The following POU6F2 variants were observed in gnomAD, a reference collection of about 807,000 sequenced individuals.
POU6F2 encodes POU class 6 homeobox 2.
A neutral mutation model predicts 71.3 loss-of-function variants in POU6F2; 31 were observed. That is an observed-to-expected ratio of 0.43 (90% CI 0.33 to 0.59). The LOEUF (loss-of-function observed/expected upper bound fraction) is 0.59, where lower values mean the gene tolerates loss of function less well. Among genes scored for constraint, POU6F2 ranks in the 20% least tolerant of loss-of-function variants. The pLI is 0.04. For synonymous variants in POU6F2, 347 were observed against 355.7 expected (o/e 0.98, Z 0.27); for missense variants, 783 against 856.8 (o/e 0.91, Z 1.07).
At chr7:39,149,892 T>TG (rs1792712106) in intron 2 of POU6F2, among the ~76,000 whole-genome samples, 1 of 151,696 alleles carries the variant, frequency 6.6e-6, no homozygotes, top group Non-Finnish European at 1.5e-5. Context: ...TTCCTTTTTT[T>TG]TTTTTTTTCT....
At chr7:39,080,543 GA>G (rs1466288096) in intron 1 of POU6F2, among the ~76,000 whole-genome samples, 2 of 152,020 alleles carry the variant, frequency 1.3e-5, no homozygotes, top group Non-Finnish European at 2.9e-5. Flanking sequence ...TCTTTATAAT[GA>G]ATGCAATTTT....
In POU6F2 at chr7:39,033,690, G is replaced by A. The variant is rs192002647; in HGVS notation, c.106-52170G>A. 1.2e-4 allele frequency among the ~76,000 whole-genome samples: 19 copies of A among 152,272 alleles called. No homozygotes were observed. In the East Asian group the frequency reaches 3.3e-3, roughly 26 times the overall value. Reference sequence around the variant, plus strand: ...CAGCGCAGTTCTCAGGGGACTGCCCGGGAAGTTGACTTTGACGTGCAGTCC... The same window carrying A: ...CAGCGCAGTTCTCAGGGGACTGCCCAGGAAGTTGACTTTGACGTGCAGTCC... On this transcript the variant is annotated intron_variant, in intron 1 of 9. Transcript: ENST00000518318.
intron 5 of POU6F2, among the ~76,000 whole-genome samples, chr7:39,378,352 C>G (rs1408929515): frequency 6.6e-6 from 1 of 152,202 alleles, no homozygotes; most frequent in East Asian, 1.9e-4. Context: ...CCTTCCCATC[C>G]TTCCTTATCC....
chr7:39,359,231 G>A (rs575764763), intron 5 of POU6F2, among the ~76,000 whole-genome samples: 8 of 151,638 alleles, frequency 5.3e-5, no homozygotes, highest in Non-Finnish European at 1.0e-4. Context: ...TAGACAGTAT[G>A]TAAAGGATTT....
At chr7:39,153,662 T>G (rs543824554) in intron 2 of POU6F2, among the ~76,000 whole-genome samples, 145 of 152,348 alleles carry the variant, frequency 9.5e-4, no homozygotes, top group African/African-American at 3.3e-3. Context: ...AGCTGATTTT[T>G]TTATTTCAAC....
At position 39,050,099 on chromosome 7, in the gene POU6F2, T is replaced by A. The variant is rs1219265061; in HGVS notation, c.106-35761T>A. On this transcript the variant is annotated intron_variant, in intron 1 of 9. Coordinates refer to ENST00000518318, the MANE Select transcript of POU6F2 (RefSeq NM_001370959.1). ...TTTTAAAAATGTGTTTATATCTTTG[T>A]TTAGTAACTTGTTTGGACTAAATTT... Among the ~76,000 whole-genome samples the A allele has an allele frequency of 2.0e-5, 3 of 152,210 alleles. No homozygotes were observed. The East Asian group carries it at 5.8e-4, about 29-fold the overall frequency.
At chr7:39,271,469 A>G (rs1419926165) in intron 4 of POU6F2, among the ~76,000 whole-genome samples, 3 of 147,708 alleles carry the variant, frequency 2.0e-5, no homozygotes, top group East Asian at 4.1e-4. Flanking sequence ...AAGGAAACCC[A>G]GGTACTGTCT....
chr7:39,263,563 TAGAA>T (rs2128755010), intron 4 of POU6F2, among the ~76,000 whole-genome samples: 1 of 152,246 alleles, frequency 6.6e-6, no homozygotes, highest in South Asian at 2.1e-4. Context: ...CAAAGAAAAA[TAGAA>T]AAAGTCAAAA....
rs552544978 is a variant in POU6F2, at chr7:39,378,211, G to A, written c.973-28389G>A. On this transcript the variant is annotated intron_variant, in intron 5 of 9. Transcript: ENST00000518318. ...CCATCTCCATCCCAGGAACATCCTT[G>A]AGCAAAAAGAGTAGTTTACGGGTGC... Among the ~76,000 whole-genome samples, 8 of 152,244 alleles carry A rather than the reference G, an allele frequency of 5.3e-5. No homozygotes were observed. In the South Asian group the frequency reaches 1.2e-3, roughly 24 times the overall value.
chr7:39,443,094 C>T (rs966546093), intron 7 of POU6F2, among the ~76,000 whole-genome samples: 4 of 152,202 alleles, frequency 2.6e-5, no homozygotes, highest in Admixed American at 6.5e-5. Context: ...AGCCTTCTCA[C>T]GCAGCATCTG....
intron 4 of POU6F2, among the ~76,000 whole-genome samples, chr7:39,313,470 G>A (rs545843738): frequency 7.9e-5 from 12 of 152,148 alleles, no homozygotes; most frequent in Non-Finnish European, 7.4e-5. Context: ...AGACTACAAT[G>A]TAAGTTCCCT....
At chr7:39,277,346 A>G (rs1249578671) in intron 4 of POU6F2, among the ~76,000 whole-genome samples, 1 of 152,138 alleles carries the variant, frequency 6.6e-6, no homozygotes, top group Non-Finnish European at 1.5e-5. Flanking sequence ...ATTGATCCCA[A>G]CACGAAGATA....
intron 2 of POU6F2, among the ~76,000 whole-genome samples, chr7:39,087,292 T>C (rs775737636): frequency 2.7e-4 from 41 of 152,000 alleles, no homozygotes; most frequent in Non-Finnish European, 4.4e-4. Context: ...AAATGCTTAC[T>C]CAATCAAACA....
chr7:39,169,267 T>C (rs889402232), intron 2 of POU6F2, among the ~76,000 whole-genome samples: 3 of 152,238 alleles, frequency 2.0e-5, no homozygotes, highest in South Asian at 2.1e-4. Flanking sequence ...AAATTCTTAT[T>C]CTTTTAAAAA....
At chr7:39,063,519 C>T (rs1221107851) in intron 1 of POU6F2, among the ~76,000 whole-genome samples, 1 of 152,070 alleles carries the variant, frequency 6.6e-6, no homozygotes, top group Non-Finnish European at 1.5e-5. Flanking sequence ...GACAAAGCCA[C>T]AGGAGCTTAA....
At chr7:39,268,921 C>T (rs933108336) in intron 4 of POU6F2, among the ~76,000 whole-genome samples, 6 of 152,162 alleles carry the variant, frequency 3.9e-5, no homozygotes, top group African/African-American at 1.2e-4. Flanking sequence ...TTGCTAATCC[C>T]ATGCTCCTGG....
intron 1 of POU6F2, among the ~76,000 whole-genome samples, chr7:39,063,747 CAAT>C (rs931767736): frequency 2.0e-5 from 3 of 150,130 alleles, no homozygotes; most frequent in East Asian, 3.9e-4. Context: ...CAAAAAGAAA[CAAT>C]AATTTTATAA....
intron 2 of POU6F2, among the ~76,000 whole-genome samples, chr7:39,111,238 TGAA>T (rs1415909147): frequency 1.3e-5 from 2 of 152,126 alleles, no homozygotes; most frequent in African/African-American, 2.4e-5. Flanking sequence ...CACAAGGAGA[TGAA>T]GTTTTACTAA....
At chr7:39,333,111 C>T (rs1005762134) in intron 4 of POU6F2, among the ~76,000 whole-genome samples, 5 of 152,150 alleles carry the variant, frequency 3.3e-5, no homozygotes, top group Admixed American at 1.3e-4. Context: ...GCTTAGCCCC[C>T]GCCCCCAACA....
Sources: allele counts gnomAD v4.1 joint callset (sites outside exome capture counted in the v4.1 genomes callset), GRCh38; gene constraint gnomAD v4.1.1; transcripts MANE v1.5; gene names NCBI Gene and HGNC (gene_info 2026-07-23, HGNC 2026-07-21).